The following CHODL variants were observed in gnomAD, a reference collection of about 807,000 sequenced individuals.
CHODL encodes the protein transmembrane protein MT75.
Under a neutral mutation model 34.5 loss-of-function variants are expected in CHODL, and 29 were observed. The observed-to-expected ratio is 0.84, with a 90% CI of 0.63 to 1.15. The LOEUF (loss-of-function observed/expected upper bound fraction) is 1.15, where lower values mean the gene tolerates loss of function less well. CHODL is among the 50% of genes most tolerant of loss of function. CHODL has a pLI of 0.00. For synonymous variants in CHODL, 125 were observed against 116.1 expected (o/e 1.08, Z -0.49); for missense variants, 332 against 332.5 (o/e 1.00, Z 0.01).
In CHODL at chr21:18,214,815, T is replaced by C. The variant is rs546894533; in HGVS notation, c.-44-41694T>C. 7.2e-5 allele frequency among the ~76,000 whole-genome samples: 11 copies of C among 152,232 alleles called. No homozygotes were observed. The South Asian group carries it at 1.4e-3, about 20-fold the overall frequency. ...AATCACTTAGGCGATAGTCACCTTA[T>C]GTCCCTAACTTACAGCGTAGACCAA... On this transcript the variant is annotated intron_variant, in intron 2 of 6. Transcript: ENST00000400127.
At chr21:18,133,448 A>C (rs1048155604) in intron 2 of CHODL, among the ~76,000 whole-genome samples, 1 of 152,202 alleles carries the variant, frequency 6.6e-6, no homozygotes, top group Non-Finnish European at 1.5e-5. Context: ...TTGTGAAATA[A>C]TTAGAAGAAA....
chr21:18,237,782 GTTTA>G (rs1197554614), intron 2 of CHODL, among the ~76,000 whole-genome samples: 1 of 151,998 alleles, frequency 6.6e-6, no homozygotes, highest in African/African-American at 2.4e-5. Flanking sequence ...CCCACCTACT[GTTTA>G]TTTATTGAAT....
rs377533438 is a variant in CHODL at position 17,962,029 on chromosome 21, G to A, written c.-145+44629G>A. Among the ~76,000 whole-genome samples, 7 of 152,286 alleles carry A rather than the reference G, an allele frequency of 4.6e-5. 1 individual carries two copies. The highest frequency in any genetic ancestry group is 1.3e-4 in the Admixed American group (2 of 15,292). ...AGAGAAGTTTCTAAGAATTTTCCTT[G>A]TCCTGGGTAGATCAGACTACACCAG... On this transcript the variant is annotated intron_variant, in intron 1 of 6. Transcript: ENST00000400127.
intron 1 of CHODL, among the ~76,000 whole-genome samples, chr21:17,941,718 T>C (rs1324446570): frequency 6.6e-6 from 1 of 152,238 alleles, no homozygotes; most frequent in Non-Finnish European, 1.5e-5. Context: ...CCTGTCTTAG[T>C]TCGCTCAGGC....
At chr21:18,143,380 A>G (rs964792421) in intron 2 of CHODL, among the ~76,000 whole-genome samples, 3 of 152,168 alleles carry the variant, frequency 2.0e-5, no homozygotes, top group Non-Finnish European at 4.4e-5. Flanking sequence ...CATAAATAAT[A>G]AAATGTTTCA....
At chr21:18,048,315 A>G (rs558073858) in intron 2 of CHODL, among the ~76,000 whole-genome samples, 1 of 152,040 alleles carries the variant, frequency 6.6e-6, no homozygotes, top group Admixed American at 6.6e-5. Context: ...TTTTGTGAAA[A>G]TAATATGGAG....
chr21:17,931,615 A>C (rs1286658714), intron 1 of CHODL, among the ~76,000 whole-genome samples: 1 of 152,226 alleles, frequency 6.6e-6, no homozygotes, highest in African/African-American at 2.4e-5. Flanking sequence ...AAGCTCAATG[A>C]GGTCCAAGAG....
At chr21:17,945,602 T>C (rs2063400751) in intron 1 of CHODL, among the ~76,000 whole-genome samples, 5 of 152,164 alleles carry the variant, frequency 3.3e-5, no homozygotes, top group Admixed American at 3.3e-4. Context: ...ATGGGAATTA[T>C]GGAATTCAAT....
intron 1 of CHODL, among the ~76,000 whole-genome samples, chr21:17,943,080 C>T (rs1213174072): frequency 1.3e-5 from 2 of 152,134 alleles, no homozygotes; most frequent in East Asian, 1.9e-4. Context: ...TCTATTAAAC[C>T]TCTTTTCTTT....
intron 2 of CHODL, among the ~76,000 whole-genome samples, chr21:18,095,961 T>C (rs954855083): frequency 1.3e-5 from 2 of 152,186 alleles, no homozygotes; most frequent in African/African-American, 4.8e-5. Flanking sequence ...TACCCTTTCA[T>C]GATAAATGTT....
intron 2 of CHODL, among the ~76,000 whole-genome samples, chr21:18,029,594 AG>A (rs1250625983): frequency 1.3e-5 from 2 of 152,178 alleles, no homozygotes. Flanking sequence ...CTATAAATTT[AG>A]CTAAGTCTCT....
At chr21:17,982,790 C>T (rs894991318) in intron 1 of CHODL, among the ~76,000 whole-genome samples, 1 of 144,514 alleles carries the variant, frequency 6.9e-6, no homozygotes, top group African/African-American at 2.6e-5. Flanking sequence ...TCACTGCAAC[C>T]TCCGCCTCCC....
chr21:17,971,688 G>A (rs2063615997), intron 1 of CHODL, among the ~76,000 whole-genome samples: 1 of 152,040 alleles, frequency 6.6e-6, no homozygotes, highest in Non-Finnish European at 1.5e-5. Context: ...AAAAGCCCAG[G>A]ACCAGACGGA....
intron 2 of CHODL, among the ~76,000 whole-genome samples, chr21:18,077,903 A>G (rs908161900): frequency 1.3e-5 from 2 of 152,056 alleles, no homozygotes; most frequent in South Asian, 2.1e-4. Flanking sequence ...TCTTTTCCCA[A>G]CCCCTGCTAG....
intron 2 of CHODL, among the ~76,000 whole-genome samples, chr21:18,224,578 A>G (rs1308381775): frequency 6.6e-6 from 1 of 152,098 alleles, no homozygotes; most frequent in Non-Finnish European, 1.5e-5. Context: ...CTGGATCTCT[A>G]TTTAGGGTAT....
chr21:18,150,204 T>C (rs73314524), intron 2 of CHODL, among the ~76,000 whole-genome samples: 203 of 152,282 alleles, frequency 1.3e-3, no homozygotes, highest in African/African-American at 4.8e-3. Context: ...TAAAAGATTG[T>C]GGAGACCAAA....
chr21:17,948,718 G>A (rs1195726849), intron 1 of CHODL, among the ~76,000 whole-genome samples: 1 of 151,984 alleles, frequency 6.6e-6, no homozygotes, highest in Non-Finnish European at 1.5e-5. Context: ...GAAATAGGAA[G>A]TCTGAATGGA....
At chr21:18,059,267 A>G (rs1450061076) in intron 2 of CHODL, among the ~76,000 whole-genome samples, 3 of 152,160 alleles carry the variant, frequency 2.0e-5, no homozygotes, top group Non-Finnish European at 4.4e-5. Context: ...ATCAGAAACC[A>G]AATTTGCCAT....
At chr21:18,114,379 CA>C (rs2065387277) in intron 2 of CHODL, among the ~76,000 whole-genome samples, 1 of 152,152 alleles carries the variant, frequency 6.6e-6, no homozygotes, top group African/African-American at 2.4e-5. Context: ...ATATCTGTAT[CA>C]AAATATCTCA....
Sources: gnomAD v4.1 joint callset for allele counts (sites outside exome capture counted in the v4.1 genomes callset) on GRCh38, gnomAD v4.1.1 for gene constraint, MANE v1.5 for transcripts, NCBI Gene and HGNC (gene_info 2026-07-23, HGNC 2026-07-21) for gene names.